COL28A1: variants seen among roughly 807,000 people sequenced by gnomAD.
The protein encoded by COL28A1 is collagen type XXVIII alpha 1 chain.
Under a neutral mutation model 150.2 loss-of-function variants are expected in COL28A1, and 161 were observed. The ratio of observed to expected loss-of-function variants is 1.07; its 90% CI spans 0.94 to 1.22. The LOEUF (loss-of-function observed/expected upper bound fraction) is 1.22, where lower values mean the gene tolerates loss of function less well. COL28A1 is among the 50% of genes most tolerant of loss of function. The probability of loss-of-function intolerance (pLI) is 0.00; values close to 1 mark genes in which losing one functional copy is unlikely to be tolerated. For missense variants in COL28A1, 1,617 were observed against 1,388.3 expected (o/e 1.16, Z -2.62); for synonymous variants, 552 against 469.7 (o/e 1.18, Z -2.26).
intron 13 of COL28A1, among the ~76,000 whole-genome samples, chr7:7,486,535 C>A (rs1342833241): frequency 3.9e-5 from 6 of 152,182 alleles, no homozygotes; most frequent in Non-Finnish European, 8.8e-5. Context: ...GGGATGCATT[C>A]ACTCTTTCAC....
At chr7:7,451,796 CTTT>C (rs1042901521) in intron 18 of COL28A1, among the ~76,000 whole-genome samples, 2 of 152,004 alleles carry the variant, frequency 1.3e-5, no homozygotes, top group Admixed American at 6.6e-5. Context: ...TATATTAATA[CTTT>C]TTTATCCTTT....
At chr7:7,522,501 A>G (rs1200446488) in intron 4 of COL28A1, among the ~76,000 whole-genome samples, 2 of 152,200 alleles carry the variant, frequency 1.3e-5, no homozygotes, top group African/African-American at 2.4e-5. Flanking sequence ...AATGAGTCTT[A>G]TAACAGCTGT....
Position 7,509,742 on chromosome 7 carries a change from A to T in COL28A1, c.927+1349T>A, listed in dbSNP as rs192600938. On this transcript the variant is annotated intron_variant, in intron 9 of 34. Transcript: ENST00000399429. ...TATGATATCCTTTGTCAACCATTTT[A>T]ATTTCATCTAGTTTTCCCAGGTATT... 2.2e-3 allele frequency among the ~76,000 whole-genome samples: 333 copies of T among 152,122 alleles called. 1 individual carries two copies. The highest frequency in any genetic ancestry group is 3.5e-3 in the Non-Finnish European group (241 of 67,990).
the COL28A1 span, among the ~76,000 whole-genome samples, chr7:7,350,333 G>C: frequency 6.6e-6 from 1 of 152,162 alleles, no homozygotes; most frequent in East Asian, 1.9e-4. Context: ...TTCACAGAGA[G>C]ATGGAATACA....
chr7:7,434,193 C>A (rs903962324), intron 23 of COL28A1, among the ~76,000 whole-genome samples: 1 of 151,980 alleles, frequency 6.6e-6, no homozygotes, highest in Non-Finnish European at 1.5e-5. Context: ...AATATGTGGC[C>A]ACTTATAAAA....
At chr7:7,519,397 A>G (rs972789407) in intron 6 of COL28A1, among the ~76,000 whole-genome samples, 1 of 152,242 alleles carries the variant, frequency 6.6e-6, no homozygotes, top group African/African-American at 2.4e-5. Context: ...GAGTGGGGAC[A>G]TAACCAAAGC....
At chr7:7,343,163 A>ATT in the COL28A1 span, among the ~76,000 whole-genome samples, 3 of 151,034 alleles carry the variant, frequency 2.0e-5, no homozygotes, top group Admixed American at 1.3e-4. Context: ...GTAGTTTCAT[A>ATT]TTATATATAT....
intron 18 of COL28A1, among the ~76,000 whole-genome samples, chr7:7,451,286 C>T (rs1349225077): frequency 2.0e-5 from 3 of 151,364 alleles, no homozygotes; most frequent in Non-Finnish European, 2.9e-5. Context: ...AGTGCAGTGG[C>T]GCGATCTCAG....
upstream of COL28A1, among the ~76,000 whole-genome samples, chr7:7,536,459 C>T (rs1249427659): frequency 1.3e-5 from 2 of 152,028 alleles, no homozygotes; most frequent in Admixed American, 1.3e-4. Context: ...AAGATGTGTT[C>T]GAACTGTAAC....
At chr7:7,357,259 A>G (rs1162558944), downstream of COL28A1, among the ~76,000 whole-genome samples, 1 of 152,134 alleles carries the variant, frequency 6.6e-6, no homozygotes, top group African/African-American at 2.4e-5. Context: ...CATGTTGGCC[A>G]GGCTGTTCTC....
intron 22 of COL28A1, 70 bp from the exon 23 acceptor site, chr7:7,436,533 AAC>A: frequency 1.2e-6 from 1 of 857,382 alleles, no homozygotes; most frequent in Middle Eastern, 2.2e-4. Context: ...TAGCAAAAAA[AAC>A]CATTGGCCAC....
chr7:7,521,858 C>T (rs545250426), intron 5 of COL28A1, 47 bp downstream of exon 5: 1 of 859,740 alleles, frequency 1.2e-6, no homozygotes, highest in South Asian at 1.3e-5. Context: ...GTAGAGCTAT[C>T]ATTGCTAGGA....
At position 7,432,678 on chromosome 7, in the gene COL28A1, G is replaced by C. The variant is rs1406006029; in HGVS notation, c.1883C>G (p.Pro628Arg). Reference protein sequence around the residue: ...GPKGVQGPRGPVGAPGLKGDG... With the variant: ...GPKGVQGPRGRVGAPGLKGDG... The stretch of plus-strand genomic sequence containing the variant: ...ACCTTTGAGTCCTGGAGCACCCACT[G>C]GTCCCCGAGGGCCTTGGACACCCTG... The change falls in exon 24 of 35, where the codon CCA (proline) becomes CGA (arginine). Residue 628 changes from proline (P) to arginine (R), a missense_variant. Pro to Arg is a moderately radical substitution (Grantham distance 103). Coordinates refer to ENST00000399429, the MANE Select transcript of COL28A1 (RefSeq NM_001037763.3). 1.2e-6 allele frequency: 2 copies of C among 1,613,802 alleles called. No homozygotes were observed. The highest frequency in any genetic ancestry group is 1.7e-6 in the Non-Finnish European group (2 of 1,179,948).
intron 33 of COL28A1, among the ~76,000 whole-genome samples, chr7:7,366,050 C>T (rs886301580): frequency 6.6e-6 from 1 of 152,112 alleles, no homozygotes; most frequent in African/African-American, 2.4e-5. Flanking sequence ...ACCTCTCATA[C>T]ATTAGTGCAG....
chr7:7,489,435 C>T lies in COL28A1; in HGVS notation c.1118G>A (p.Arg373Lys). The T allele has an allele frequency of 1.4e-6, 2 of 1,448,950 alleles. No individual in the cohort carries two copies. Among genetic ancestry groups the T allele is most frequent in the Non-Finnish European group, 1.9e-6 (2 of 1,029,082 alleles). 89.8% of individuals were successfully genotyped at this position (1,448,950 alleles called of 1,614,324 possible). Reference sequence around the variant, plus strand: ...TCCAATGGGTCCTGGAGCTCCCGGTCTTCCTTCTTGGCCTCTTTCTCCCTA... The same window carrying T: ...TCCAATGGGTCCTGGAGCTCCCGGTTTTCCTTCTTGGCCTCTTTCTCCCTA... ...GIKGERGQEG[R>K]PGAPGPIGVG... The change falls in exon 13 of 35, where the codon AGA becomes AAA. Residue 373 changes from arginine to lysine, a missense_variant. Arg to Lys is a conservative substitution (Grantham distance 26). Transcript: ENST00000399429.
At chr7:7,377,093 T>A (rs759948163) in intron 30 of COL28A1, among the ~76,000 whole-genome samples, 19 of 152,238 alleles carry the variant, frequency 1.2e-4, no homozygotes, top group Non-Finnish European at 2.2e-4. Flanking sequence ...GCAATCTGTG[T>A]ATGTTCTTTG....
intron 28 of COL28A1, 93 bp from the exon 29 acceptor site, chr7:7,380,955 C>T: frequency 9.6e-7 from 1 of 1,041,734 alleles, no homozygotes; most frequent in Non-Finnish European, 1.5e-6. Flanking sequence ...CAACTGGCAT[C>T]TCTTGAAGAC....
At chr7:7,504,928 G>C (rs1178741093) in intron 11 of COL28A1, among the ~76,000 whole-genome samples, 1 of 152,156 alleles carries the variant, frequency 6.6e-6, no homozygotes, top group Middle Eastern at 3.4e-3. Context: ...TCTTACTGTA[G>C]GATTGTACCT....
chr7:7,532,726 AAAAC>A (rs761476321), intron 2 of COL28A1, 22 bp downstream of exon 2: 23 of 1,586,872 alleles, frequency 1.4e-5, no homozygotes, highest in Non-Finnish European at 1.8e-5. Context: ...GCTAAACTTA[AAAAC>A]AAACAATTTT....
Sources: allele counts gnomAD v4.1 joint callset (sites outside exome capture counted in the v4.1 genomes callset), GRCh38; gene constraint gnomAD v4.1.1; transcripts MANE v1.5; gene names NCBI Gene and HGNC (gene_info 2026-07-23, HGNC 2026-07-21).